CTNNA3: variants seen among roughly 807,000 people sequenced by gnomAD.
CTNNA3 encodes catenin alpha 3, also known as catenin alpha-3.
Under a neutral mutation model 95.7 loss-of-function variants are expected in CTNNA3, and 76 were observed. That is an observed-to-expected ratio of 0.79 (90% CI 0.66 to 0.96). The LOEUF is 0.96. CTNNA3 is among the 40% of genes least tolerant of loss of function. The probability of loss-of-function intolerance (pLI) is 0.00; values close to 1 mark genes in which losing one functional copy is unlikely to be tolerated. For missense variants in CTNNA3, 1,191 were observed against 1,089.8 expected (o/e 1.09, Z -1.31); for synonymous variants, 431 against 374.4 (o/e 1.15, Z -1.74).
chr10:66,352,801 ATAT>A lies in CTNNA3; in HGVS notation c.1732+26348_1732+26350del, dbSNP rs1250642803. Among the ~76,000 whole-genome samples, 5 of 152,244 alleles carry A rather than the reference ATAT, an allele frequency of 3.3e-5. No individual in the cohort carries two copies. The East Asian group carries it at 9.7e-4, about 29-fold the overall frequency. On this transcript the variant is annotated intron_variant, in intron 12 of 17. Coordinates refer to ENST00000433211, the MANE Select transcript of CTNNA3 (RefSeq NM_013266.4). ...TCTCAAAAATGTACAGCTACATTAG[ATAT>A]TATGCACTATATTCTTATCTGGCAA...
intron 7 of CTNNA3, among the ~76,000 whole-genome samples, chr10:66,795,760 T>A (rs1381609861): frequency 1.3e-5 from 2 of 152,208 alleles, no homozygotes; most frequent in Non-Finnish European, 2.9e-5. Context: ...AACTACTTCA[T>A]CAACGATCTT....
chr10:66,290,061 C>G (rs762880194), intron 12 of CTNNA3, among the ~76,000 whole-genome samples: 28 of 151,892 alleles, frequency 1.8e-4, no homozygotes, highest in Non-Finnish European at 3.2e-4. Context: ...GGGTAGATGA[C>G]TGGATGGCTA....
intron 12 of CTNNA3, among the ~76,000 whole-genome samples, chr10:66,312,870 C>T (rs776105359): frequency 4.6e-5 from 7 of 152,010 alleles, no homozygotes; most frequent in Non-Finnish European, 1.0e-4. Context: ...TAAACCACCA[C>T]CAATTGTCAG....
intron 16 of CTNNA3, among the ~76,000 whole-genome samples, chr10:65,987,125 T>C (rs1334889150): frequency 6.6e-6 from 1 of 151,980 alleles, no homozygotes; most frequent in Non-Finnish European, 1.5e-5. Flanking sequence ...CTTCAGGACA[T>C]TGATTTTGGC....
At chr10:65,927,595 G>C (rs2077186877) in intron 17 of CTNNA3, among the ~76,000 whole-genome samples, 1 of 152,178 alleles carries the variant, frequency 6.6e-6, no homozygotes. Flanking sequence ...GGCATTACAT[G>C]TGTAAGCTTC....
intron 10 of CTNNA3, among the ~76,000 whole-genome samples, chr10:66,545,074 A>G (rs1219641070): frequency 1.3e-5 from 2 of 152,072 alleles, no homozygotes; most frequent in African/African-American, 2.4e-5. Flanking sequence ...AAGGAATACT[A>G]AAGTTGAACG....
chr10:67,692,829 A>T (rs1230517019), intron 1 of CTNNA3, among the ~76,000 whole-genome samples: 4 of 151,720 alleles, frequency 2.6e-5, no homozygotes, highest in African/African-American at 9.7e-5. Context: ...CGTTTCATAG[A>T]TTAGTTAAAA....
chr10:66,564,244 A>G (rs1453582586), intron 10 of CTNNA3, among the ~76,000 whole-genome samples: 2 of 152,184 alleles, frequency 1.3e-5, no homozygotes, highest in African/African-American at 4.8e-5. Flanking sequence ...ACTGAAAAGC[A>G]GAGTTAAATA....
At chr10:66,853,227 C>T (rs532746323) in intron 7 of CTNNA3, among the ~76,000 whole-genome samples, 1 of 152,174 alleles carries the variant, frequency 6.6e-6, no homozygotes, top group South Asian at 2.1e-4. Flanking sequence ...GGTTTCATGC[C>T]ATGCAGTACT....
intron 13 of CTNNA3, among the ~76,000 whole-genome samples, chr10:66,159,199 A>G (rs1344256786): frequency 1.3e-5 from 2 of 152,010 alleles, no homozygotes; most frequent in Non-Finnish European, 2.9e-5. Flanking sequence ...ACTATGTTGC[A>G]GAGTAGTGGT....
chr10:67,422,734 C>A (rs983998867), intron 5 of CTNNA3, among the ~76,000 whole-genome samples: 1 of 152,112 alleles, frequency 6.6e-6, no homozygotes, highest in Admixed American at 6.6e-5. Context: ...TCCTCTTCAC[C>A]TTTTGCCATT....
chr10:66,183,097 A>G lies in CTNNA3; in HGVS notation c.1885-79848T>C, dbSNP rs181422443. Among the ~76,000 whole-genome samples, 344 of 152,298 alleles carry G rather than the reference A, an allele frequency of 2.3e-3. 4 individuals carry two copies. The highest frequency in any genetic ancestry group is 8.1e-3 in the African/African-American group (336 of 41,560). On this transcript the variant is annotated intron_variant, in intron 13 of 17. Transcript: ENST00000433211. Reference sequence around the variant, plus strand: ...ATTCCAAAATCACAAAATGGCTACTATATCAACTGGAGAAAAACTACTCAC... The same window carrying G: ...ATTCCAAAATCACAAAATGGCTACTGTATCAACTGGAGAAAAACTACTCAC...
At chr10:66,151,276 T>A (rs1166079931) in intron 13 of CTNNA3, among the ~76,000 whole-genome samples, 1 of 151,920 alleles carries the variant, frequency 6.6e-6, no homozygotes, top group African/African-American at 2.4e-5. Flanking sequence ...GGAAGTGTGA[T>A]AGGAGGGCTG....
intron 13 of CTNNA3, among the ~76,000 whole-genome samples, chr10:66,210,604 C>A (rs184879913): frequency 6.6e-6 from 1 of 151,834 alleles, no homozygotes; most frequent in African/African-American, 2.4e-5. Context: ...CATTTAGGTA[C>A]ACTCTTACTT....
intron 5 of CTNNA3, among the ~76,000 whole-genome samples, chr10:67,339,051 A>G (rs1842088821): frequency 6.6e-6 from 1 of 152,178 alleles, no homozygotes; most frequent in Non-Finnish European, 1.5e-5. Flanking sequence ...AGCTCATAAG[A>G]AAATGAATTG....
At chr10:66,330,872 T>C (rs1279258047) in intron 12 of CTNNA3, among the ~76,000 whole-genome samples, 3 of 152,138 alleles carry the variant, frequency 2.0e-5, no homozygotes, top group Non-Finnish European at 2.9e-5. Context: ...ATGTCTTCTT[T>C]TGAGAAGTGT....
intron 5 of CTNNA3, among the ~76,000 whole-genome samples, chr10:67,231,573 G>GA (rs1865213402): frequency 6.6e-6 from 1 of 152,164 alleles, no homozygotes; most frequent in South Asian, 2.1e-4. Context: ...CAAAGATGTG[G>GA]AAAAAACAGA....
chr10:66,585,295 C>G (rs1192393936), intron 10 of CTNNA3, among the ~76,000 whole-genome samples: 1 of 151,920 alleles, frequency 6.6e-6, no homozygotes, highest in Non-Finnish European at 1.5e-5. Context: ...GAAATTTTTG[C>G]TACGTTTTTC....
At chr10:67,254,840 A>G (rs997439288) in intron 5 of CTNNA3, among the ~76,000 whole-genome samples, 3 of 152,190 alleles carry the variant, frequency 2.0e-5, no homozygotes, top group Admixed American at 1.3e-4. Context: ...CTAGGTTTGT[A>G]TAAGTACACT....
Sources: gnomAD v4.1 joint callset for allele counts (sites outside exome capture counted in the v4.1 genomes callset) on GRCh38, gnomAD v4.1.1 for gene constraint, MANE v1.5 for transcripts, NCBI Gene and HGNC (gene_info 2026-07-23, HGNC 2026-07-21) for gene names.